GXYLT1: variants seen among roughly 807,000 people sequenced by gnomAD.
The protein encoded by GXYLT1 is glucoside xylosyltransferase 1, also known as glycosyltransferase 8 domain containing 3.
Under a neutral mutation model 54.0 loss-of-function variants are expected in GXYLT1, and 29 were observed. The observed-to-expected ratio is 0.54, with a 90% CI of 0.40 to 0.73. GXYLT1 has a LOEUF of 0.73. GXYLT1 is among the 30% of genes least tolerant of loss of function. The pLI is 0.00. For missense variants in GXYLT1, 490 were observed against 553.4 expected, an observed-to-expected ratio of 0.89 and a Z score of 1.15; for synonymous variants, 176 against 204.1, an observed-to-expected ratio of 0.86 and a Z score of 1.17.
chr12:42,102,788 A>G (rs2065397339), intron 5 of GXYLT1, among the ~76,000 whole-genome samples: 1 of 152,150 alleles, frequency 6.6e-6, no homozygotes, highest in Admixed American at 6.5e-5. Flanking sequence ...GGCAAATACG[A>G]TACTGCAAAA....
chr12:42,114,284 C>G (rs1051175383), intron 3 of GXYLT1, among the ~76,000 whole-genome samples: 9 of 152,106 alleles, frequency 5.9e-5, no homozygotes, highest in Non-Finnish European at 1.0e-4. Flanking sequence ...AAGATCAGAA[C>G]AGAACTGAAG....
At chr12:42,139,204 A>T (rs924365590) in intron 1 of GXYLT1, among the ~76,000 whole-genome samples, 2 of 144,728 alleles carry the variant, frequency 1.4e-5, no homozygotes, top group Admixed American at 6.9e-5. Flanking sequence ...TCTCAGAAAT[A>T]AAAAAAAAAA....
chr12:42,119,345 G>T (rs1042955154), intron 2 of GXYLT1, among the ~76,000 whole-genome samples, 174 bp from the exon 3 acceptor site: 3 of 152,024 alleles, frequency 2.0e-5, no homozygotes, highest in African/African-American at 7.2e-5. Context: ...GTTCAATGCT[G>T]CAGTAAGCTA....
chr12:42,138,277 C>A (rs1206488982), intron 1 of GXYLT1, among the ~76,000 whole-genome samples: 4 of 152,004 alleles, frequency 2.6e-5, no homozygotes, highest in Admixed American at 2.0e-4. Flanking sequence ...ACAGAGACTG[C>A]GTCTCAAATA....
chr12:42,092,747 C>CA (rs1030914181), intron 7 of GXYLT1, among the ~76,000 whole-genome samples: 7 of 151,472 alleles, frequency 4.6e-5, no homozygotes, highest in African/African-American at 1.2e-4. Context: ...AAACCTGTAG[C>CA]AAAAAAAACT....
intron 7 of GXYLT1, among the ~76,000 whole-genome samples, chr12:42,088,748 G>A (rs921458127): frequency 6.6e-6 from 1 of 151,860 alleles, no homozygotes; most frequent in Non-Finnish European, 1.5e-5. Flanking sequence ...TTAGAAAGAT[G>A]GATGGGGCTT....
At chr12:42,114,337 AG>A (rs2065479000) in intron 3 of GXYLT1, among the ~76,000 whole-genome samples, 1 of 152,250 alleles carries the variant, frequency 6.6e-6, no homozygotes, top group East Asian at 1.9e-4. Context: ...TAATGAATCC[AG>A]GAGCTGGTTT....
chr12:42,116,259 C>G lies in GXYLT1; in HGVS notation c.486+2741G>C, dbSNP rs368908434. Among the ~76,000 whole-genome samples the G allele has an allele frequency of 1.8e-4, 28 of 152,136 alleles. 2 individuals are homozygous for G. The East Asian group carries it at 2.1e-3, about 12-fold the overall frequency. On this transcript the variant is annotated intron_variant, in intron 3 of 7. Coordinates refer to ENST00000398675, the MANE Select transcript of GXYLT1 (RefSeq NM_173601.2). ...TCTAAAACACCAAAAGCAATGGCAA[C>G]AAAAGCCAAAATTGACAAATGGGAT...
intron 5 of GXYLT1, among the ~76,000 whole-genome samples, chr12:42,101,098 C>T (rs539918201): frequency 1.5e-4 from 23 of 151,924 alleles, no homozygotes; most frequent in Non-Finnish European, 2.4e-4. Flanking sequence ...GGAAAAGAAG[C>T]GATAACGCTA....
intron 5 of GXYLT1, among the ~76,000 whole-genome samples, chr12:42,105,511 TACA>T (rs2065413955): frequency 6.6e-6 from 1 of 152,192 alleles, no homozygotes; most frequent in African/African-American, 2.4e-5. Context: ...TCTATGAATG[TACA>T]ACTACAAAAT....
At chr12:42,139,158 A>G (rs2065637857) in intron 1 of GXYLT1, among the ~76,000 whole-genome samples, 1 of 152,104 alleles carries the variant, frequency 6.6e-6, no homozygotes, top group South Asian at 2.1e-4. Flanking sequence ...ATCTCAGGCC[A>G]CTGTACTCCA....
At chr12:42,136,751 T>TTATACATACATAC (rs2065621499) in intron 1 of GXYLT1, among the ~76,000 whole-genome samples, 1 of 147,370 alleles carries the variant, frequency 6.8e-6, no homozygotes. Flanking sequence ...GGAGGTTTTT[T>TTATACATACATAC]ATACATACAT....
chr12:42,099,504 C>A (rs538825748), intron 5 of GXYLT1, among the ~76,000 whole-genome samples: 94 of 152,224 alleles, frequency 6.2e-4, no homozygotes, highest in Non-Finnish European at 1.3e-3. Flanking sequence ...TTTCATTTGT[C>A]TAATATGGGG....
At chr12:42,107,769 A>C (rs2065429739) in intron 4 of GXYLT1, among the ~76,000 whole-genome samples, 1 of 152,110 alleles carries the variant, frequency 6.6e-6, no homozygotes, top group Non-Finnish European at 1.5e-5. Context: ...GTGGAGTTAG[A>C]ATTGTTTTTA....
At chr12:42,109,816 TA>T (rs2065442188) in intron 3 of GXYLT1, 125 bp from the exon 4 acceptor site, 1 of 576,926 alleles carries the variant, frequency 1.7e-6, no homozygotes. Context: ...GCTGTAAAAT[TA>T]AAGGAAAGAT....
chr12:42,096,486 TA>T (rs986237530), intron 7 of GXYLT1, among the ~76,000 whole-genome samples: 7 of 152,172 alleles, frequency 4.6e-5, no homozygotes, highest in Admixed American at 6.5e-5. Context: ...AAATGAATTA[TA>T]AATCATTGGA....
At chr12:42,123,924 C>T (rs1209553926) in intron 2 of GXYLT1, among the ~76,000 whole-genome samples, 2 of 150,632 alleles carry the variant, frequency 1.3e-5, no homozygotes, top group Admixed American at 1.3e-4. Context: ...AGAGTTGTTC[C>T]CAGCAACACA....
intron 2 of GXYLT1, among the ~76,000 whole-genome samples, chr12:42,127,388 A>C (rs910646509): frequency 6.6e-6 from 1 of 152,216 alleles, no homozygotes; most frequent in Non-Finnish European, 1.5e-5. Context: ...TAATGGATGC[A>C]ATATTACGGG....
intron 5 of GXYLT1, among the ~76,000 whole-genome samples, chr12:42,098,782 T>TATATATATATATATATATATAA (rs1374482799): frequency 5.1e-5 from 7 of 138,240 alleles, no homozygotes; most frequent in Admixed American, 1.4e-4. Flanking sequence ...TATATATATA[T>TATATATATATATATATATATAA]ATAATACATG....
Sources: allele counts gnomAD v4.1 joint callset (sites outside exome capture counted in the v4.1 genomes callset), GRCh38; gene constraint gnomAD v4.1.1; transcripts MANE v1.5; gene names NCBI Gene and HGNC (gene_info 2026-07-23, HGNC 2026-07-21).